CNTN5: variants seen among roughly 807,000 people sequenced by gnomAD.
CNTN5 encodes the protein contactin-5.
In CNTN5, 77 loss-of-function variants were observed where a neutral mutation model predicts 129.1. That is an observed-to-expected ratio of 0.60 (90% confidence interval 0.50 to 0.72). CNTN5 has a LOEUF of 0.72. Ranked by LOEUF, CNTN5 falls within the 30% of genes least tolerant of loss-of-function variation. The pLI is 0.00. For missense variants in CNTN5, 1,478 were observed against 1,328.8 expected (o/e 1.11, Z -1.75); for synonymous variants, 509 against 465.6 (o/e 1.09, Z -1.20).
intron 1 of CNTN5, among the ~76,000 whole-genome samples, chr11:99,075,086 C>A (rs10892751): frequency 0.18 from 26,764 of 152,122 alleles, 3,461 homozygotes; most frequent in East Asian, 0.47. Flanking sequence ...ATAAATTCTG[C>A]ACTTTCGTGA....
At chr11:99,239,630 T>G (rs904024380) in intron 1 of CNTN5, among the ~76,000 whole-genome samples, 1 of 152,130 alleles carries the variant, frequency 6.6e-6, no homozygotes, top group Admixed American at 6.6e-5. Context: ...AGGATGGAAC[T>G]AGAAGTCTCA....
chr11:100,142,080 C>T (rs1405796706), intron 13 of CNTN5, among the ~76,000 whole-genome samples: 3 of 152,108 alleles, frequency 2.0e-5, no homozygotes, highest in Admixed American at 2.0e-4. Flanking sequence ...GAACGCCAGG[C>T]TCTCTGGCCT....
At chr11:99,121,092 T>G (rs934161285) in intron 1 of CNTN5, among the ~76,000 whole-genome samples, 1 of 151,826 alleles carries the variant, frequency 6.6e-6, no homozygotes, top group African/African-American at 2.4e-5. Flanking sequence ...ACTACAGGAA[T>G]AAGTAGGAAT....
At chr11:99,409,912 A>G (rs1169284638) in intron 2 of CNTN5, among the ~76,000 whole-genome samples, 1 of 152,248 alleles carries the variant, frequency 6.6e-6, no homozygotes, top group Non-Finnish European at 1.5e-5. Context: ...CACAAAGTCA[A>G]CTATCATTTA....
chr11:99,445,046 A>G (rs557378608), intron 2 of CNTN5, among the ~76,000 whole-genome samples: 15 of 148,346 alleles, frequency 1.0e-4, no homozygotes, highest in African/African-American at 3.2e-4. Flanking sequence ...ATATATATTT[A>G]TATATACATT....
At chr11:99,275,092 A>G (rs1165955177) in intron 1 of CNTN5, among the ~76,000 whole-genome samples, 1 of 151,310 alleles carries the variant, frequency 6.6e-6, no homozygotes, top group African/African-American at 2.4e-5. Context: ...TTAATTATAA[A>G]ATATTTACTT....
At chr11:100,305,918 T>C (rs1306491463) in intron 20 of CNTN5, among the ~76,000 whole-genome samples, 1 of 140,076 alleles carries the variant, frequency 7.1e-6, no homozygotes, top group African/African-American at 2.7e-5. Context: ...ACACATAAAA[T>C]ACACTAATAC....
chr11:99,550,544 T>G (rs745700981), intron 2 of CNTN5, among the ~76,000 whole-genome samples: 1 of 152,118 alleles, frequency 6.6e-6, no homozygotes, highest in Non-Finnish European at 1.5e-5. Flanking sequence ...AGAGTCATGG[T>G]TGAGATGGAG....
At chr11:100,322,286 G>T (rs907176034) in intron 21 of CNTN5, among the ~76,000 whole-genome samples, 13 of 151,578 alleles carry the variant, frequency 8.6e-5, no homozygotes, top group Non-Finnish European at 1.8e-4. Flanking sequence ...GCAGTGGCGC[G>T]ATCTCAGCTC....
At chr11:100,281,247 T>G (rs1462833094) in intron 18 of CNTN5, among the ~76,000 whole-genome samples, 2 of 152,176 alleles carry the variant, frequency 1.3e-5, no homozygotes, top group African/African-American at 4.8e-5. Context: ...ATTGAAGTAT[T>G]CTCTTTAGCA....
At chr11:99,465,133 A>G (rs940853868) in intron 2 of CNTN5, among the ~76,000 whole-genome samples, 19 of 152,242 alleles carry the variant, frequency 1.2e-4, no homozygotes, top group Non-Finnish European at 2.5e-4. Flanking sequence ...GCTTTTGAGT[A>G]AAGTAGAGTA....
chr11:99,292,963 G>T (rs923879120), intron 1 of CNTN5, among the ~76,000 whole-genome samples: 1 of 152,128 alleles, frequency 6.6e-6, no homozygotes, highest in Non-Finnish European at 1.5e-5. Context: ...ACAAATGAAA[G>T]TATACCCTGT....
At chr11:99,542,214 T>G (rs1948142088) in intron 2 of CNTN5, among the ~76,000 whole-genome samples, 1 of 152,058 alleles carries the variant, frequency 6.6e-6, no homozygotes, top group African/African-American at 2.4e-5. Flanking sequence ...CTTCTAGCAA[T>G]TTATTGTTGA....
At chr11:99,539,237 T>G (rs923847120) in intron 2 of CNTN5, among the ~76,000 whole-genome samples, 3 of 152,130 alleles carry the variant, frequency 2.0e-5, no homozygotes, top group African/African-American at 4.8e-5. Flanking sequence ...CTAGTTAAGA[T>G]GTAAATGTTA....
At chr11:99,886,655 T>C (rs1948908335) in intron 6 of CNTN5, among the ~76,000 whole-genome samples, 1 of 152,088 alleles carries the variant, frequency 6.6e-6, no homozygotes, top group South Asian at 2.1e-4. Context: ...TTAACAAAAA[T>C]ACTAGTAATG....
At chr11:100,351,831 C>T (rs890920454) in intron 24 of CNTN5, among the ~76,000 whole-genome samples, 2 of 151,344 alleles carry the variant, frequency 1.3e-5, no homozygotes, top group Non-Finnish European at 3.0e-5. Context: ...GGAAGTGTCC[C>T]GTCATGCTCT....
intron 1 of CNTN5, among the ~76,000 whole-genome samples, chr11:99,225,368 T>G (rs1005450662): frequency 6.6e-6 from 1 of 152,136 alleles, no homozygotes; most frequent in East Asian, 1.9e-4. Context: ...GTTTGTTTCT[T>G]TATTGGCCTT....
intron 18 of CNTN5, among the ~76,000 whole-genome samples, chr11:100,291,715 A>G (rs1406672324): frequency 6.6e-6 from 1 of 150,998 alleles, no homozygotes; most frequent in Admixed American, 6.6e-5. Flanking sequence ...ACTAACCTGC[A>G]CAATGTGCAC....
intron 1 of CNTN5, among the ~76,000 whole-genome samples, chr11:99,087,379 T>A (rs1866046122): frequency 6.6e-6 from 1 of 152,198 alleles, no homozygotes; most frequent in African/African-American, 2.4e-5. Context: ...GGTTCTTCCT[T>A]GGGCCATTTA....
Sources: gnomAD v4.1 joint callset for allele counts (sites outside exome capture counted in the v4.1 genomes callset) on GRCh38, gnomAD v4.1.1 for gene constraint, MANE v1.5 for transcripts, NCBI Gene and HGNC (gene_info 2026-07-23, HGNC 2026-07-21) for gene names.